Variants in RABL6 observed in about 807,000 individuals in gnomAD.
RABL6 encodes rab-like protein 6.
Under a neutral mutation model 72.9 loss-of-function variants are expected in RABL6, and 28 were observed. The ratio of observed to expected loss-of-function variants is 0.38; its 90% CI spans 0.28 to 0.53. The LOEUF is 0.53. Among genes scored for constraint, RABL6 ranks in the 20% least tolerant of loss-of-function variants. The probability of loss-of-function intolerance (pLI) is 0.80; values close to 1 mark genes in which losing one functional copy is unlikely to be tolerated. For synonymous variants in RABL6, 477 were observed against 421.2 expected (o/e 1.13, Z -1.62); for missense variants, 1,029 against 1,008.4 (o/e 1.02, Z -0.28).
At position 136,830,062 on chromosome 9, in the gene RABL6, C is replaced by T. The variant is rs1287111031; in HGVS notation, c.458+578C>T. Among the ~76,000 whole-genome samples the T allele has an allele frequency of 1.3e-5, 2 of 152,240 alleles. 1 individual carries two copies. Among genetic ancestry groups the T allele is most frequent in the Admixed American group, 1.3e-4 (2 of 15,294 alleles). ...GCGGACGCACACTTGGCACAAGGCT[C>T]CTAGAAGAACGAGGGCCGCGTGAAG... On this transcript the variant is annotated intron_variant, in intron 5 of 14. Transcript: ENST00000311502.
intron 1 of RABL6, 126 bp downstream of exon 1, chr9:136,808,452 C>T (rs1457539584): frequency 1.0e-5 from 11 of 1,067,386 alleles, no homozygotes. Flanking sequence ...CTGGGCCCGC[C>T]GGGCGCTCCG....
At position 136,826,298 on chromosome 9, in the gene RABL6, G is replaced by A. The variant is rs377011340; in HGVS notation, c.313+472G>A. ...CAGCACCAGCCCCCGGGGTGTCCTC[G>A]ACATCGTTGGTCTCCTCCTCAGCCA... On this transcript the variant is annotated intron_variant, in intron 3 of 14. Coordinates refer to ENST00000311502, the MANE Select transcript of RABL6 (RefSeq NM_024718.5). This position sits in a 1 kb window ranked among gnomAD's most constrained non-coding sequence, Gnocchi z 4.9. 6.5e-4 allele frequency among the ~76,000 whole-genome samples: 99 copies of A among 152,228 alleles called. No homozygotes were observed. Among genetic ancestry groups the A allele is most frequent in the African/African-American group, 2.0e-3 (82 of 41,542 alleles).
intron 1 of RABL6, chr9:136,821,414 G>C (rs908772225): frequency 1.0e-6 from 1 of 985,428 alleles, no homozygotes; most frequent in Non-Finnish European, 1.2e-6. Flanking sequence ...GCGGTGCCGG[G>C]GCGGGGAGGC....
At chr9:136,808,741 G>A (rs1847931856) in intron 1 of RABL6, 1 of 152,986 alleles carries the variant, frequency 6.5e-6, no homozygotes, top group South Asian at 2.1e-4. Flanking sequence ...AGGAGGTGCG[G>A]GGAACCCAGC....
rs114554467 is a variant in RABL6, at chr9:136,838,690, G to A, written c.1281-219G>A. On this transcript the variant is annotated intron_variant, in intron 10 of 14. Coordinates refer to ENST00000311502, the MANE Select transcript of RABL6 (RefSeq NM_024718.5). ...GCTCCACATCCTTCACCCACTGAGC[G>A]GCCGCAGGGCAGCACTGTGTCCAAC... Among the ~76,000 whole-genome samples the A allele has an allele frequency of 6.6e-3, 1,007 of 152,364 alleles. 15 individuals carry two copies. Among genetic ancestry groups the A allele is most frequent in the African/African-American group, 0.023 (941 of 41,578 alleles).
chr9:136,808,012 C>A lies in RABL6; in HGVS notation c.-185C>A. 1.9e-6 allele frequency: 2 copies of A among 1,030,222 alleles called. No individual in the cohort carries two copies. The highest frequency in any genetic ancestry group is 2.3e-6 in the Non-Finnish European group (2 of 859,902). The allele number at this position is 1,030,222 out of a possible 1,614,324, so 63.8% of individuals were successfully genotyped here. ...GGCCGCGGGGGCCGGAGCGGAGCAG[C>A]CGCGGCTGAGGTTCCCGAGTCGCCG... On this transcript the variant is annotated 5_prime_UTR_variant, in exon 1 of 15. Coordinates refer to ENST00000311502, the MANE Select transcript of RABL6 (RefSeq NM_024718.5).
chr9:136,818,398 AAAAAAAC>A lies in RABL6; in HGVS notation c.131-5126_131-5120del, dbSNP rs1848169109. The stretch of plus-strand genomic sequence containing the variant: ...AAAAAAAAAAAAAAAAAAAAAAAAA[AAAAAAAC>A]CAAAGGTAAGCAAAGAAACTGGTAA... On this transcript the variant is annotated intron_variant, in intron 1 of 14. Transcript: ENST00000311502. Among the ~76,000 whole-genome samples, 7 of 29,032 alleles carry A rather than the reference AAAAAAAC, an allele frequency of 2.4e-4. No individual in the cohort carries two copies. The East Asian group carries it at 5.4e-3, about 22-fold the overall frequency. The allele number at this position is 29,032 out of a possible 152,430, so 19.0% of individuals were successfully genotyped here.
intron 9 of RABL6, 88 bp from the exon 10 acceptor site, chr9:136,837,774 G>A: frequency 6.5e-7 from 1 of 1,541,470 alleles, no homozygotes; most frequent in Non-Finnish European, 8.8e-7. Context: ...CCAGTCCCGT[G>A]GGCACATCCC....
chr9:136,835,167 G>A (rs1296439351), intron 7 of RABL6: 1 of 152,190 alleles, frequency 6.6e-6, no homozygotes, highest in Non-Finnish European at 1.5e-5. Context: ...GGATGCTGAG[G>A]CAGCTGGATC....
chr9:136,815,435 T>A (rs1207394374), intron 1 of RABL6: 2 of 289,068 alleles, frequency 6.9e-6, no homozygotes, highest in Non-Finnish European at 1.4e-5. Flanking sequence ...CTTCTTCATC[T>A]TCTGACATTT....
intron 1 of RABL6, among the ~76,000 whole-genome samples, chr9:136,822,932 C>T (rs1848272223): frequency 1.3e-5 from 2 of 152,040 alleles, no homozygotes; most frequent in Admixed American, 1.3e-4. Context: ...ACTAAAAATA[C>T]AAAAAATTAG....
At chr9:136,836,038 G>C in intron 8 of RABL6, 193 bp downstream of exon 8, 1 of 583,636 alleles carries the variant, frequency 1.7e-6, no homozygotes, top group Non-Finnish European at 3.0e-6. Context: ...AGTCACCCCT[G>C]GCGTGGACTC....
At chr9:136,834,027 C>T (rs554275891) in intron 7 of RABL6, 40 of 1,475,152 alleles carry the variant, frequency 2.7e-5, no homozygotes, top group Middle Eastern at 1.8e-4. Flanking sequence ...GAGTCTTGAG[C>T]TGGAAGCGTA....
At chr9:136,832,119 T>C (rs1484205795) in intron 6 of RABL6, 146 bp from the exon 7 acceptor site, 3 of 907,364 alleles carry the variant, frequency 3.3e-6, no homozygotes, top group Non-Finnish European at 3.3e-6. Flanking sequence ...GCTTAGCTGC[T>C]TAGCAGGGCT....
chr9:136,812,177 G>C (rs1197523897), intron 1 of RABL6, among the ~76,000 whole-genome samples: 2 of 152,196 alleles, frequency 1.3e-5, no homozygotes, highest in Non-Finnish European at 2.9e-5. Flanking sequence ...TCCTGAGTGA[G>C]CATTATTGTG....
At chr9:136,838,870 A>G (rs1242777786) in intron 10 of RABL6, 39 bp from the exon 11 acceptor site, 7 of 1,492,956 alleles carry the variant, frequency 4.7e-6, no homozygotes, top group South Asian at 3.9e-5. Flanking sequence ...AGCCATCCCT[A>G]CCCCGTGGCC....
chr9:136,834,035 G>T, intron 7 of RABL6: 1 of 1,469,194 alleles, frequency 6.8e-7, no homozygotes, highest in Non-Finnish European at 9.0e-7. Context: ...AGCTGGAAGC[G>T]TAGGGCTGAG....
chr9:136,813,289 C>T, intron 1 of RABL6: 1 of 607,690 alleles, frequency 1.6e-6, no homozygotes, highest in Non-Finnish European at 3.1e-6. Context: ...AGTGCATGCA[C>T]ACCCTTTAGA....
intron 7 of RABL6, chr9:136,833,751 G>A (rs775582222): frequency 8.4e-6 from 13 of 1,550,506 alleles, no homozygotes; most frequent in Non-Finnish European, 1.1e-5. Flanking sequence ...GAAAGGGGCT[G>A]TGCTGTCGTC....
Sources: allele counts gnomAD v4.1 joint callset (sites outside exome capture counted in the v4.1 genomes callset), GRCh38; gene constraint gnomAD v4.1.1; non-coding constraint Gnocchi (gnomAD v3.1); transcripts MANE v1.5; gene names NCBI Gene and HGNC (gene_info 2026-07-23, HGNC 2026-07-21).